The following PKNOX2 variants were observed in gnomAD, a reference collection of about 807,000 sequenced individuals.
PKNOX2 encodes PBX/knotted 1 homeobox 2, also known as homeobox protein PKNOX2.
In PKNOX2, 14 loss-of-function variants were observed where a neutral mutation model predicts 53.1. The observed-to-expected ratio is 0.26, with a 90% CI of 0.17 to 0.41. The LOEUF (loss-of-function observed/expected upper bound fraction) is 0.41, where lower values mean the gene tolerates loss of function less well. Ranked by LOEUF, PKNOX2 falls within the 10% of genes least tolerant of loss-of-function variation. PKNOX2 has a pLI of 1.00. For missense variants in PKNOX2, 496 were observed against 602.8 expected (o/e 0.82, Z 1.85); for synonymous variants, 257 against 242.8 (o/e 1.06, Z -0.54).
chr11:125,193,243 G>A (rs1369344699), intron 1 of PKNOX2, among the ~76,000 whole-genome samples: 1 of 152,202 alleles, frequency 6.6e-6, no homozygotes, highest in Non-Finnish European at 1.5e-5. Context: ...AACTCATGCT[G>A]TGCTGTTGTA....
At chr11:125,319,168 G>A (rs1302460618) in intron 2 of PKNOX2, among the ~76,000 whole-genome samples, 1 of 152,172 alleles carries the variant, frequency 6.6e-6, no homozygotes, top group Non-Finnish European at 1.5e-5. Context: ...AGAGGTCACT[G>A]TAGGGTTATT....
intron 10 of PKNOX2, 54 bp downstream of exon 10, chr11:125,411,919 C>A: frequency 6.2e-7 from 1 of 1,609,494 alleles, no homozygotes; most frequent in South Asian, 1.1e-5. Flanking sequence ...ATGAATAACC[C>A]ACCGTGTGGG....
At chr11:125,342,557 GA>G (rs1950750836) in intron 3 of PKNOX2, among the ~76,000 whole-genome samples, 1 of 152,186 alleles carries the variant, frequency 6.6e-6, no homozygotes, top group Non-Finnish European at 1.5e-5. Context: ...CCCAGCGCTG[GA>G]GCTGTTTGTC....
chr11:125,177,945 G>A (rs1565462101), intron 1 of PKNOX2, among the ~76,000 whole-genome samples: 1 of 152,190 alleles, frequency 6.6e-6, no homozygotes, highest in Non-Finnish European at 1.5e-5. Flanking sequence ...ATAGGGAGTA[G>A]GAAGGAAGGG....
intron 10 of PKNOX2, among the ~76,000 whole-genome samples, chr11:125,417,013 A>G (rs1213057988): frequency 1.3e-5 from 2 of 152,016 alleles, no homozygotes; most frequent in Non-Finnish European, 2.9e-5. Flanking sequence ...TTCATACGTT[A>G]GCTGCTCGCC....
At chr11:125,375,783 G>C (rs1952799674) in intron 5 of PKNOX2, among the ~76,000 whole-genome samples, 1 of 152,140 alleles carries the variant, frequency 6.6e-6, no homozygotes, top group Admixed American at 6.5e-5. Context: ...TGACTTGGCT[G>C]GAATCACTGA....
At chr11:125,177,680 G>T (rs1955802444) in intron 1 of PKNOX2, among the ~76,000 whole-genome samples, 1 of 152,182 alleles carries the variant, frequency 6.6e-6, no homozygotes, top group African/African-American at 2.4e-5. Flanking sequence ...TCTCCCCACA[G>T]TGCTGCATGG....
At chr11:125,272,713 C>A (rs1157219920) in intron 2 of PKNOX2, among the ~76,000 whole-genome samples, 1 of 152,186 alleles carries the variant, frequency 6.6e-6, no homozygotes, top group African/African-American at 2.4e-5. Flanking sequence ...GGAACAGCCG[C>A]CTTCTTTGTG....
At chr11:125,259,686 C>T (rs150672303) in intron 2 of PKNOX2, among the ~76,000 whole-genome samples, 3 of 152,306 alleles carry the variant, frequency 2.0e-5, no homozygotes, top group East Asian at 3.9e-4. Flanking sequence ...GGCCCACCTG[C>T]CTTGGCTTTG....
intron 5 of PKNOX2, among the ~76,000 whole-genome samples, chr11:125,377,230 G>T (rs751581202): frequency 9.9e-5 from 15 of 152,192 alleles, no homozygotes; most frequent in Admixed American, 2.6e-4. Context: ...GGACACTGAG[G>T]CTCCAAAAAT....
chr11:125,199,938 A>G (rs1443030170), intron 1 of PKNOX2, among the ~76,000 whole-genome samples: 2 of 152,172 alleles, frequency 1.3e-5, no homozygotes, highest in South Asian at 2.1e-4. Context: ...AGCAACATCC[A>G]CTCATTGAAT....
chr11:125,399,467 G>A (rs1340158857), intron 7 of PKNOX2, among the ~76,000 whole-genome samples: 2 of 152,230 alleles, frequency 1.3e-5, no homozygotes, highest in South Asian at 2.1e-4. Flanking sequence ...GGTGATGGGA[G>A]AGATGCAAGA....
chr11:125,325,430 A>T (rs1282349570), intron 2 of PKNOX2, among the ~76,000 whole-genome samples: 3 of 152,114 alleles, frequency 2.0e-5, no homozygotes, highest in African/African-American at 7.2e-5. Context: ...TGTCTTGGAG[A>T]TATGGTCCCA....
chr11:125,417,530 C>T (rs1277533920), intron 10 of PKNOX2, among the ~76,000 whole-genome samples: 3 of 152,036 alleles, frequency 2.0e-5, no homozygotes, highest in Admixed American at 6.5e-5. Flanking sequence ...AACTGACACT[C>T]GAAGAAGGCA....
chr11:125,397,783 C>T, intron 6 of PKNOX2, 91 bp from the exon 7 acceptor site: 1 of 1,348,476 alleles, frequency 7.4e-7, no homozygotes, highest in South Asian at 1.4e-5. Flanking sequence ...GGGGTGGGCT[C>T]CCCTCCCCTG....
intron 1 of PKNOX2, among the ~76,000 whole-genome samples, chr11:125,216,198 C>T (rs1591483781): frequency 1.3e-5 from 2 of 152,326 alleles, no homozygotes; most frequent in Admixed American, 1.3e-4. Context: ...AAATCCTTAG[C>T]TACAGCTGTT....
intron 3 of PKNOX2, among the ~76,000 whole-genome samples, chr11:125,338,128 C>A (rs992114309): frequency 6.6e-6 from 1 of 152,212 alleles, no homozygotes; most frequent in African/African-American, 2.4e-5. Flanking sequence ...TCTCTGTCCC[C>A]CTTGGGGAGC....
intron 2 of PKNOX2, among the ~76,000 whole-genome samples, chr11:125,302,319 C>T (rs1323559822): frequency 6.6e-6 from 1 of 152,206 alleles, no homozygotes; most frequent in Non-Finnish European, 1.5e-5. Context: ...TCCAGCCATG[C>T]ACTGACCAGC....
chr11:125,356,134 T>C (rs557801591), intron 4 of PKNOX2, among the ~76,000 whole-genome samples: 15 of 151,964 alleles, frequency 9.9e-5, no homozygotes, highest in African/African-American at 2.9e-4. Flanking sequence ...TCTGGTCTAT[T>C]TGAGTATGTA....
Sources: allele counts gnomAD v4.1 joint callset (sites outside exome capture counted in the v4.1 genomes callset), GRCh38; gene constraint gnomAD v4.1.1; transcripts MANE v1.5; gene names NCBI Gene and HGNC (gene_info 2026-07-23, HGNC 2026-07-21).